The following MAP3K12 variants were observed in gnomAD, a reference collection of about 807,000 sequenced individuals.
The protein encoded by MAP3K12 is MAPK-upstream kinase.
A neutral mutation model predicts 87.5 loss-of-function variants in MAP3K12; 14 were observed. The observed-to-expected ratio is 0.16, with a 90% CI of 0.11 to 0.25. The LOEUF (loss-of-function observed/expected upper bound fraction) is 0.25, where lower values mean the gene tolerates loss of function less well. Among genes scored for constraint, MAP3K12 ranks in the 10% least tolerant of loss-of-function variants. MAP3K12 has a pLI of 1.00. For missense variants in MAP3K12, 802 were observed against 1,140.4 expected (o/e 0.70, Z 4.27); for synonymous variants, 469 against 452.5 (o/e 1.04, Z -0.46).
rs777445290 is a variant in MAP3K12, at chr12:53,487,108, G to T, written c.284C>A (p.Ala95Asp). The part of the protein sequence containing the change: ...EQDAGGPGGA[A>D]GSPESRASRV... ...GGATGCCCGACTCTCAGGTGACCCA[G>T]CTGCTCCCCCTGGGCCCCCTGCATC... The change falls in exon 2 of 14, where the codon GCT becomes GAT. Residue 95 changes from alanine (A) to aspartate (D), a missense_variant. Transcript: ENST00000547488. 6.2e-7 allele frequency: 1 copy of T among 1,613,938 alleles called. No individual in the cohort carries two copies. Among genetic ancestry groups the T allele is most frequent in the Admixed American group, 1.7e-5 (1 of 60,022 alleles).
intron 1 of MAP3K12, among the ~76,000 whole-genome samples, chr12:53,489,753 T>C (rs77511173): frequency 0.032 from 4,810 of 152,234 alleles, 102 homozygotes; most frequent in East Asian, 0.072. Flanking sequence ...ACTCTGATAG[T>C]TCTTGTAATA....
chr12:53,485,286 CA>C (rs1268095929), intron 5 of MAP3K12, 30 bp downstream of exon 5: 1 of 1,606,640 alleles, frequency 6.2e-7, no homozygotes, highest in East Asian at 2.2e-5. Flanking sequence ...GCTGGCCACC[CA>C]CTCTTCTCAG....
Position 53,486,706 on chromosome 12 carries a change from T to C in MAP3K12, c.446-84A>G, listed in dbSNP as rs1216298119. ...ACAGGATAGCATTGGGTTGGCTGAATTGACTTAAGGAGGGTGAGGCAGAAA... is the reference window on the plus strand; with the variant it reads ...ACAGGATAGCATTGGGTTGGCTGAACTGACTTAAGGAGGGTGAGGCAGAAA... On this transcript the variant is annotated intron_variant, in intron 2 of 13. Coordinates refer to ENST00000547488, the MANE Select transcript of MAP3K12 (RefSeq NM_001193511.2). The surrounding 1 kb of genome is among the most constrained non-coding windows in gnomAD (Gnocchi z 4.9). 4.1e-6 allele frequency: 6 copies of C among 1,466,354 alleles called. No individual in the cohort carries two copies. Among genetic ancestry groups the C allele is most frequent in the South Asian group, 2.8e-5 (2 of 71,450 alleles). The allele number at this position is 1,466,354 out of a possible 1,614,324, so 90.8% of individuals were successfully genotyped here. A position where few individuals can be genotyped will look rare whatever the true frequency, so the allele number is the denominator to read the frequency against.
intron 1 of MAP3K12, among the ~76,000 whole-genome samples, chr12:53,494,662 A>G (rs956095343): frequency 1.3e-5 from 2 of 152,088 alleles, no homozygotes; most frequent in African/African-American, 2.4e-5. Context: ...TTGGGCTCTC[A>G]CACTGAGTGC....
At chr12:53,490,331 G>C (rs1237899317) in intron 1 of MAP3K12, among the ~76,000 whole-genome samples, 3 of 152,050 alleles carry the variant, frequency 2.0e-5, no homozygotes, top group Non-Finnish European at 4.4e-5. Flanking sequence ...GATTGGGCCA[G>C]GCATGGTGGC....
intron 6 of MAP3K12, 57 bp downstream of exon 6, chr12:53,484,998 GT>G: frequency 6.2e-7 from 1 of 1,603,438 alleles, no homozygotes; most frequent in Non-Finnish European, 8.5e-7. Context: ...GTCCAGCCCA[GT>G]ACTACCGTGC....
At position 53,481,950 on chromosome 12, in the gene MAP3K12, G is replaced by C. The variant is rs1565882422; in HGVS notation, c.2571C>G (p.Leu857=). ...CTGTTGTGCCACTCACCCGCTCTCT[G>C]AGAAGTTCCTGGTGTGGAATGGGCA... ...SSLPIPHQEL[L]RERGPPNSED... Residue 857 remains leucine (L), a synonymous_variant, in exon 13 of 14, where the codon CTC becomes CTG. Coordinates refer to ENST00000547488, the MANE Select transcript of MAP3K12 (RefSeq NM_001193511.2). The C allele has an allele frequency of 2.5e-6, 4 of 1,611,912 alleles. No homozygotes were observed. The highest frequency in any genetic ancestry group is 1.1e-5 in the South Asian group (1 of 91,004).
intron 1 of MAP3K12, among the ~76,000 whole-genome samples, chr12:53,499,004 G>GTGTGTGTGTGTGTGTGTGTGTGT (rs1943612157): frequency 7.7e-6 from 1 of 129,706 alleles, no homozygotes; most frequent in African/African-American, 2.9e-5. Flanking sequence ...GTGTGTGTGT[G>GTGTGTGTGTGTGTGTGTGTGTGT]GAGATGGTGG....
intron 1 of MAP3K12, among the ~76,000 whole-genome samples, chr12:53,491,995 AG>A (rs1191269498): frequency 6.7e-6 from 1 of 150,334 alleles, no homozygotes; most frequent in Non-Finnish European, 1.5e-5. Flanking sequence ...GAATCGCTTG[AG>A]CCCAGGAGGT....
rs1323848138 is a variant in MAP3K12 at position 53,491,550 on chromosome 12, C to T, written c.-37-4122G>A. Among the ~76,000 whole-genome samples the T allele has an allele frequency of 3.3e-5, 5 of 149,976 alleles. No homozygotes were observed. The East Asian group carries it at 1.0e-3, about 31-fold the overall frequency. ...CCGGGTTCACACCATTCTCCTGCCT[C>T]GGCCTCCCGAGTAGCTGGGACTACA... On this transcript the variant is annotated intron_variant, in intron 1 of 13. Transcript: ENST00000547488.
intron 1 of MAP3K12, among the ~76,000 whole-genome samples, chr12:53,494,240 G>A (rs773992611): frequency 6.6e-6 from 1 of 152,230 alleles, no homozygotes; most frequent in Non-Finnish European, 1.5e-5. Context: ...AGAGCATGGG[G>A]GAAGGGCAGC....
intron 11 of MAP3K12, 54 bp downstream of exon 11, chr12:53,482,511 C>A: frequency 6.3e-7 from 1 of 1,598,182 alleles, no homozygotes; most frequent in Middle Eastern, 1.9e-4. Context: ...AGACTTGGAC[C>A]CCAGGGAGGA....
Position 53,486,817 on chromosome 12 carries a change from G to A in MAP3K12, c.445+130C>T. 1 of 1,512,042 alleles carries A rather than the reference G, an allele frequency of 6.6e-7. No individual in the cohort carries two copies. The highest frequency in any genetic ancestry group is 1.3e-5 in the South Asian group (1 of 74,412). The allele number at this position is 1,512,042 out of a possible 1,614,324, so 93.7% of individuals were successfully genotyped here. On this transcript the variant is annotated intron_variant, in intron 2 of 13. Transcript: ENST00000547488. This position sits in a 1 kb window ranked among gnomAD's most constrained non-coding sequence, Gnocchi z 4.9. ...AAAAGAAGCTGGGAAGTTAGAGGCT[G>A]ATGGATGGCTAAGGGACTAGGGCTG... is the stretch of plus-strand genomic sequence containing the variant.
In MAP3K12 at chr12:53,487,099, G is replaced by A; in HGVS notation, c.293C>T (p.Pro98Leu). ...AGGPGGAAGS[P>L]ESRASRVRAD... ...TCGAACTCTGGATGCCCGACTCTCA[G>A]GTGACCCAGCTGCTCCCCCTGGGCC... The change falls in exon 2 of 14, where the codon CCT (proline) becomes CTT (leucine). Residue 98 changes from proline to leucine, a missense_variant. Physicochemically the swap from Pro to Leu is moderately conservative, Grantham distance 98. Transcript: ENST00000547488. 1 of 1,614,070 alleles carries A rather than the reference G, an allele frequency of 6.2e-7. No homozygotes were observed. The highest frequency in any genetic ancestry group is 8.5e-7 in the Non-Finnish European group (1 of 1,180,014).
chr12:53,483,328 A>G (rs779131090), intron 10 of MAP3K12, 21 bp downstream of exon 10: 2 of 1,611,068 alleles, frequency 1.2e-6, no homozygotes, highest in South Asian at 2.2e-5. Flanking sequence ...CCATATTGGA[A>G]CCACAGTACT....
chr12:53,482,442 A>C, intron 11 of MAP3K12, 73 bp from the exon 12 acceptor site: 7 of 1,605,550 alleles, frequency 4.4e-6, no homozygotes, highest in Non-Finnish European at 5.1e-6. Flanking sequence ...GGAGAAGGGA[A>C]CATAGTTACG....
At chr12:53,483,327 A>G (rs755309343) in intron 10 of MAP3K12, 22 bp downstream of exon 10, 7 of 1,611,122 alleles carry the variant, frequency 4.3e-6, no homozygotes, top group African/African-American at 1.3e-5. Context: ...GCCATATTGG[A>G]ACCACAGTAC....
At position 53,483,024 on chromosome 12, in the gene MAP3K12, A is replaced by T; in HGVS notation, c.1779T>A (p.Pro593=). The stretch of plus-strand genomic sequence containing the variant: ...GGGGTGGCACAGCTGTACGAAGCCC[A>T]GGCAGGTCCCCACAGCTCCCCTTGG... ...ASAKGSCGDL[P]GLRTAVPPHE... The change falls in exon 11 of 14, where the codon CCT becomes CCA. Residue 593 remains proline, a synonymous_variant. Coordinates refer to ENST00000547488, the MANE Select transcript of MAP3K12 (RefSeq NM_001193511.2). The T allele has an allele frequency of 6.4e-7, 1 of 1,558,070 alleles. No homozygotes were observed. The highest frequency in any genetic ancestry group is 8.7e-7 in the Non-Finnish European group (1 of 1,152,820).
chr12:53,483,371 T>G lies in MAP3K12; in HGVS notation c.1591A>C (p.Lys531Gln). The G allele has an allele frequency of 1.9e-6, 3 of 1,614,156 alleles. No individual in the cohort carries two copies. Among genetic ancestry groups the G allele is most frequent in the South Asian group, 1.1e-5 (1 of 91,080 alleles). The change falls in exon 10 of 14, where the codon AAG becomes CAG. Residue 531 changes from lysine (K) to glutamine (Q), a missense_variant. By Grantham distance (53) the Lys-to-Gln change is moderately conservative. Transcript: ENST00000547488. ...KLIKKRNVPQ[K>Q]LSPHSKRPDI... ...CACCTTTTGCTATGGGGTGACAGCTTCTGTGGCACATTCCTCTTCTTGATA... is the reference window on the plus strand; with the variant it reads ...CACCTTTTGCTATGGGGTGACAGCTGCTGTGGCACATTCCTCTTCTTGATA...
Sources: gnomAD v4.1 joint callset for allele counts (sites outside exome capture counted in the v4.1 genomes callset) on GRCh38, gnomAD v4.1.1 for gene constraint, Gnocchi (gnomAD v3.1) non-coding constraint, MANE v1.5 for transcripts, NCBI Gene and HGNC (gene_info 2026-07-23, HGNC 2026-07-21) for gene names.